The following EYS variants were observed in gnomAD, a reference collection of about 807,000 sequenced individuals.
EYS encodes EGF-like photoreceptor maintenance factor.
A neutral mutation model predicts 282.1 loss-of-function variants in EYS; 250 were observed. The observed-to-expected ratio is 0.89, with a 90% CI of 0.80 to 0.98. The LOEUF is 0.98. Ranked by LOEUF, EYS falls within the 50% of genes least tolerant of loss-of-function variation. The probability of loss-of-function intolerance (pLI) is 0.00; values close to 1 mark genes in which losing one functional copy is unlikely to be tolerated. For missense variants in EYS, 4,016 were observed against 3,709.0 expected, an observed-to-expected ratio of 1.08 and a Z score of -2.15; for synonymous variants, 1,355 against 1,282.9, an observed-to-expected ratio of 1.06 and a Z score of -1.20.
chr6:63,755,834 G>A (rs529437125), intron 41 of EYS, among the ~76,000 whole-genome samples: 3 of 152,274 alleles, frequency 2.0e-5, no homozygotes, highest in Admixed American at 2.0e-4. Context: ...AGTTCTCCTT[G>A]AAGAGGTCCT....
At chr6:65,384,644 G>A (rs954542049) in intron 7 of EYS, 144 bp from the exon 8 acceptor site, 16 of 574,720 alleles carry the variant, frequency 2.8e-5, no homozygotes, top group African/African-American at 7.6e-5. Flanking sequence ...TGTGATCTTA[G>A]CCAAAAAGCT....
At chr6:65,381,958 T>C (rs1488571283) in intron 8 of EYS, among the ~76,000 whole-genome samples, 1 of 151,970 alleles carries the variant, frequency 6.6e-6, no homozygotes, top group Non-Finnish European at 1.5e-5. Context: ...TCTCTCAATT[T>C]TTTCCATCAT....
intron 29 of EYS, among the ~76,000 whole-genome samples, chr6:64,316,738 A>C (rs1368865847): frequency 2.0e-5 from 3 of 152,202 alleles, no homozygotes; most frequent in Non-Finnish European, 2.9e-5. Flanking sequence ...CAAACCAAAA[A>C]AGATCCCACA....
chr6:65,068,822 A>C (rs377570629), intron 12 of EYS, among the ~76,000 whole-genome samples: 5 of 151,980 alleles, frequency 3.3e-5, no homozygotes, highest in African/African-American at 1.2e-4. Context: ...CTTATGTTCA[A>C]CTCTACTCAT....
chr6:65,438,026 G>C (rs1362853105), intron 5 of EYS, among the ~76,000 whole-genome samples: 4 of 115,876 alleles, frequency 3.5e-5, no homozygotes, highest in Non-Finnish European at 5.0e-5. Flanking sequence ...CCCACGACAG[G>C]CCTCAGTGTG....
intron 34 of EYS, among the ~76,000 whole-genome samples, chr6:63,993,428 T>G (rs1382524870): frequency 1.3e-5 from 2 of 151,860 alleles, no homozygotes; most frequent in African/African-American, 4.8e-5. Flanking sequence ...ATGATATCTC[T>G]GACATACATG....
intron 28 of EYS, among the ~76,000 whole-genome samples, chr6:64,412,180 A>ATATTCTATACATAATTTTC (rs1181310660): frequency 6.6e-6 from 1 of 152,014 alleles, no homozygotes; most frequent in Non-Finnish European, 1.5e-5. Flanking sequence ...TATACACAGA[A>ATATTCTATACATAATTTTC]TATACATAAT....
intron 31 of EYS, among the ~76,000 whole-genome samples, chr6:64,203,713 T>C (rs184318712): frequency 7.2e-5 from 11 of 152,256 alleles, no homozygotes; most frequent in Non-Finnish European, 1.6e-4. Flanking sequence ...AGTAAGAGGA[T>C]AAAACAATTA....
At chr6:63,797,175 T>A (rs573823203) in intron 37 of EYS, 1 of 152,208 alleles carries the variant, frequency 6.6e-6, no homozygotes, top group South Asian at 2.1e-4. Context: ...CCTAATTGAG[T>A]TTCAGTTGTC....
chr6:64,217,511 A>G (rs997136926), intron 31 of EYS, among the ~76,000 whole-genome samples: 30 of 152,138 alleles, frequency 2.0e-4, no homozygotes, highest in Non-Finnish European at 3.8e-4. Context: ...CCCGAGTGAC[A>G]GAGCAAGACT....
At chr6:64,120,164 G>A (rs1167322806) in intron 31 of EYS, among the ~76,000 whole-genome samples, 6 of 150,496 alleles carry the variant, frequency 4.0e-5, no homozygotes, top group Admixed American at 6.6e-5. Flanking sequence ...TGGCTAGCAC[G>A]GTGAAACCCT....
At chr6:65,251,542 C>T (rs1276038849) in intron 12 of EYS, among the ~76,000 whole-genome samples, 1 of 151,718 alleles carries the variant, frequency 6.6e-6, no homozygotes, top group Non-Finnish European at 1.5e-5. Flanking sequence ...TAACAATATA[C>T]CAACTCTGAT....
At chr6:64,076,681 C>T (rs1307591626) in intron 32 of EYS, among the ~76,000 whole-genome samples, 1 of 151,872 alleles carries the variant, frequency 6.6e-6, no homozygotes, top group Non-Finnish European at 1.5e-5. Context: ...GATTGTGAGA[C>T]CTCCCCAGCC....
chr6:65,146,742 A>G, intron 12 of EYS, among the ~76,000 whole-genome samples: 1 of 152,016 alleles, frequency 6.6e-6, no homozygotes, highest in East Asian at 1.9e-4. Context: ...TTATTCAGAC[A>G]ATCAAGAGAT....
intron 5 of EYS, among the ~76,000 whole-genome samples, chr6:65,454,622 T>C (rs950819599): frequency 6.6e-6 from 1 of 152,062 alleles, no homozygotes; most frequent in Non-Finnish European, 1.5e-5. Flanking sequence ...TGTTTTCTAA[T>C]AGTTTCATAT....
intron 13 of EYS, among the ~76,000 whole-genome samples, chr6:65,019,551 T>C (rs1171280900): frequency 6.6e-6 from 1 of 152,182 alleles, no homozygotes; most frequent in Non-Finnish European, 1.5e-5. Flanking sequence ...CATAGGTTTG[T>C]AGTACAAAAT....
chr6:65,007,665 T>A (rs530429393), intron 13 of EYS, among the ~76,000 whole-genome samples: 12 of 152,130 alleles, frequency 7.9e-5, no homozygotes, highest in Non-Finnish European at 1.3e-4. Flanking sequence ...GGACCCCCCT[T>A]CAACCCAAAC....
At chr6:65,241,817 T>A (rs905226126) in intron 12 of EYS, among the ~76,000 whole-genome samples, 2 of 152,094 alleles carry the variant, frequency 1.3e-5, no homozygotes, top group Non-Finnish European at 2.9e-5. Context: ...GCTTGTACTT[T>A]AGGGATTGTC....
chr6:64,576,476 A>G (rs1459194885), intron 26 of EYS, among the ~76,000 whole-genome samples: 1 of 152,058 alleles, frequency 6.6e-6, no homozygotes, highest in Non-Finnish European at 1.5e-5. Context: ...ACATCTGTCC[A>G]GGGCCAGAGG....
Sources: allele counts gnomAD v4.1 joint callset (sites outside exome capture counted in the v4.1 genomes callset), GRCh38; gene constraint gnomAD v4.1.1; transcripts MANE v1.5; gene names NCBI Gene and HGNC (gene_info 2026-07-23, HGNC 2026-07-21).